Variants in COL4A2 observed in about 807,000 individuals in gnomAD.
COL4A2 encodes collagen type IV alpha 2 chain, also known as collagen alpha-2(IV) chain.
Under a neutral mutation model 200.2 loss-of-function variants are expected in COL4A2, and 99 were observed. That is an observed-to-expected ratio of 0.49 (90% CI 0.42 to 0.58). COL4A2 has a LOEUF of 0.58. Ranked by LOEUF, COL4A2 falls within the 20% of genes least tolerant of loss-of-function variation. The pLI is 0.00. For missense variants in COL4A2, 1,950 were observed against 2,314.1 expected (o/e 0.84, Z 3.23); for synonymous variants, 897 against 900.6 (o/e 1.00, Z 0.07).
At chr13:110,350,173 G>A (rs185362257) in intron 3 of COL4A2, among the ~76,000 whole-genome samples, 24 of 152,270 alleles carry the variant, frequency 1.6e-4, no homozygotes, top group African/African-American at 4.8e-4. Context: ...AAAGATTCCC[G>A]TTCTGCACCT....
intron 4 of COL4A2, among the ~76,000 whole-genome samples, chr13:110,379,464 A>G (rs1017997398): frequency 6.6e-6 from 1 of 152,124 alleles, no homozygotes. Flanking sequence ...CTGAGTTCCT[A>G]CTGTGTGTCA....
At position 110,505,100 on chromosome 13, in the gene COL4A2, C is replaced by T. The variant is rs180742009; in HGVS notation, c.4402+836C>T. ...GCGCGGTGGCTCACGCCTGTAATCCCAGCACTTTGGGAGGCTGAGGTGGGC... is the reference window on the plus strand; with the variant it reads ...GCGCGGTGGCTCACGCCTGTAATCCTAGCACTTTGGGAGGCTGAGGTGGGC... On this transcript the variant is annotated intron_variant, in intron 45 of 47. Transcript: ENST00000360467. 2.0e-4 allele frequency among the ~76,000 whole-genome samples: 31 copies of T among 152,006 alleles called. 1 individual carries two copies. The East Asian group carries it at 6.0e-3, about 30-fold the overall frequency.
At position 110,405,043 on chromosome 13, in the gene COL4A2, A is replaced by G. The variant is rs565308015; in HGVS notation, c.181-19691A>G. Among the ~76,000 whole-genome samples the G allele has an allele frequency of 3.0e-3, 457 of 152,272 alleles. 1 individual carries two copies. Among genetic ancestry groups the G allele is most frequent in the African/African-American group, 0.011 (442 of 41,558 alleles). On this transcript the variant is annotated intron_variant, in intron 4 of 47. Coordinates refer to ENST00000360467, the MANE Select transcript of COL4A2 (RefSeq NM_001846.4). ...GAAGTGAGGATTGCTTTAGCCTAGGAGGTTGAGGCTGCAGTGAGTTGTGAT... is the reference window on the plus strand; with the variant it reads ...GAAGTGAGGATTGCTTTAGCCTAGGGGGTTGAGGCTGCAGTGAGTTGTGAT...
At chr13:110,503,763 C>G (rs1883736458) in intron 43 of COL4A2, 84 bp from the exon 44 acceptor site, 5 of 1,534,256 alleles carry the variant, frequency 3.3e-6, no homozygotes, top group African/African-American at 2.8e-5. Flanking sequence ...AAGAAGCCTC[C>G]CTGGTGAGAA....
intron 30 of COL4A2, 122 bp downstream of exon 30, chr13:110,478,286 G>A (rs191216276): frequency 5.2e-5 from 50 of 956,762 alleles, no homozygotes; most frequent in Non-Finnish European, 6.8e-5. Flanking sequence ...AGGTGCAGGG[G>A]TTCCCAAACC....
At chr13:110,468,726 G>A (rs1566551474) in intron 27 of COL4A2, among the ~76,000 whole-genome samples, 1 of 152,320 alleles carries the variant, frequency 6.6e-6, no homozygotes, top group Non-Finnish European at 1.5e-5. Flanking sequence ...TTTGTGACAT[G>A]GCTGAGGAAC....
chr13:110,400,300 A>G (rs915521970), intron 4 of COL4A2, among the ~76,000 whole-genome samples: 2 of 152,250 alleles, frequency 1.3e-5, no homozygotes, highest in Admixed American at 6.5e-5. Flanking sequence ...AAATTTAAAT[A>G]AGATTTTAAG....
At chr13:110,346,998 G>A (rs988793795) in intron 3 of COL4A2, among the ~76,000 whole-genome samples, 7 of 152,198 alleles carry the variant, frequency 4.6e-5, no homozygotes, top group East Asian at 1.9e-4. Context: ...TCCGCATGCC[G>A]GGCCCGTGTG....
chr13:110,360,398 G>A (rs1398591111), intron 4 of COL4A2, among the ~76,000 whole-genome samples: 4 of 152,146 alleles, frequency 2.6e-5, no homozygotes, highest in African/African-American at 9.7e-5. Context: ...AGTAAACATA[G>A]CTAGTTCAGA....
In COL4A2 at chr13:110,408,572, C is replaced by T. The variant is rs76278214; in HGVS notation, c.181-16162C>T. 6.8e-3 allele frequency among the ~76,000 whole-genome samples: 1,034 copies of T among 152,254 alleles called. 10 individuals are homozygous for T. The highest frequency in any genetic ancestry group is 0.023 in the African/African-American group (976 of 41,534). ...ATCCAAAGTTCCAGACATGCAGAGCCGCCCTCTGGCCATCGTCGGGGTCAT... is the reference window on the plus strand; with the variant it reads ...ATCCAAAGTTCCAGACATGCAGAGCTGCCCTCTGGCCATCGTCGGGGTCAT... On this transcript the variant is annotated intron_variant, in intron 4 of 47. Coordinates refer to ENST00000360467, the MANE Select transcript of COL4A2 (RefSeq NM_001846.4).
chr13:110,354,085 T>G (rs1721960058), intron 3 of COL4A2, among the ~76,000 whole-genome samples: 1 of 152,232 alleles, frequency 6.6e-6, no homozygotes, highest in South Asian at 2.1e-4. Context: ...TCAAATCATT[T>G]CAACCTTTGA....
chr13:110,458,028 G>A, intron 21 of COL4A2: 1 of 436,782 alleles, frequency 2.3e-6, no homozygotes, highest in South Asian at 1.8e-5. Flanking sequence ...CTGGTGTGGT[G>A]CAGGCTGTGC....
intron 4 of COL4A2, among the ~76,000 whole-genome samples, chr13:110,415,756 A>T (rs565291926): frequency 6.6e-6 from 1 of 152,142 alleles, no homozygotes; most frequent in African/African-American, 2.4e-5. Flanking sequence ...TGCTCAACTC[A>T]CCGGGAGCCC....
intron 4 of COL4A2, among the ~76,000 whole-genome samples, chr13:110,373,774 C>T (rs920154881): frequency 2.0e-5 from 3 of 152,254 alleles, no homozygotes; most frequent in African/African-American, 7.2e-5. Flanking sequence ...CTAATGCCTC[C>T]GTCCTCCAGC....
chr13:110,440,946 G>C (rs1419907285), intron 16 of COL4A2, among the ~76,000 whole-genome samples: 2 of 152,198 alleles, frequency 1.3e-5, no homozygotes, highest in African/African-American at 4.8e-5. Flanking sequence ...GTTCCAAGTC[G>C]GCAGGTACAC....
intron 3 of COL4A2, among the ~76,000 whole-genome samples, chr13:110,327,128 C>A (rs564733200): frequency 1.3e-5 from 2 of 152,150 alleles, no homozygotes; most frequent in Non-Finnish European, 2.9e-5. Context: ...ACACACCCCT[C>A]CTGCTCCAAC....
At chr13:110,505,580 G>A (rs1404934120) in intron 45 of COL4A2, among the ~76,000 whole-genome samples, 1 of 152,172 alleles carries the variant, frequency 6.6e-6, no homozygotes, top group African/African-American at 2.4e-5. Context: ...GGTGTCCCTT[G>A]GAAGGGGAGG....
At chr13:110,435,550 A>G (rs921106742) in intron 12 of COL4A2, among the ~76,000 whole-genome samples, 7 of 152,230 alleles carry the variant, frequency 4.6e-5, no homozygotes, top group African/African-American at 1.2e-4. Flanking sequence ...CAGCTGACCC[A>G]TCATCTCCAT....
intron 4 of COL4A2, among the ~76,000 whole-genome samples, chr13:110,424,421 A>G (rs896338619): frequency 3.9e-4 from 22 of 57,064 alleles, no homozygotes; most frequent in Non-Finnish European, 7.4e-4. Context: ...AAAATTTTTT[A>G]TACTGAAATG....
Sources: allele counts gnomAD v4.1 joint callset (sites outside exome capture counted in the v4.1 genomes callset), GRCh38; gene constraint gnomAD v4.1.1; transcripts MANE v1.5; gene names NCBI Gene and HGNC (gene_info 2026-07-23, HGNC 2026-07-21).